Variants in PDGFRL observed in about 807,000 individuals in gnomAD.
The protein encoded by PDGFRL is platelet-derived growth factor receptor-like protein.
PDGFRL carries 46 observed loss-of-function variants against 37.2 expected under a neutral mutation model. The ratio of observed to expected loss-of-function variants is 1.24; its 90% confidence interval spans 0.98 to 1.58. PDGFRL has a LOEUF of 1.58. PDGFRL is among the 40% of genes most tolerant of loss of function. The pLI is 0.00. For synonymous variants in PDGFRL, 251 were observed against 184.3 expected (o/e 1.36, Z -2.93); for missense variants, 692 against 467.6 (o/e 1.48, Z -4.43).
chr8:17,598,820 C>T (rs2299570), intron 2 of PDGFRL, among the ~76,000 whole-genome samples: 9 of 152,094 alleles, frequency 5.9e-5, no homozygotes, highest in African/African-American at 9.7e-5. Context: ...GTAGTTAATA[C>T]GTCTCACGAG....
At chr8:17,641,089 A>T (rs1449793990) in intron 5 of PDGFRL, among the ~76,000 whole-genome samples, 1 of 152,168 alleles carries the variant, frequency 6.6e-6, no homozygotes, top group African/African-American at 2.4e-5. Flanking sequence ...CCCAGCTCCC[A>T]CGTAGCCCAA....
At chr8:17,632,112 C>G (rs1191891013) in intron 4 of PDGFRL, among the ~76,000 whole-genome samples, 1 of 152,224 alleles carries the variant, frequency 6.6e-6, no homozygotes, top group Non-Finnish European at 1.5e-5. Context: ...ATGGCACTAC[C>G]TTCACCCACG....
At position 17,642,733 on chromosome 8, in the gene PDGFRL, T is replaced by C. The variant is rs747136044; in HGVS notation, c.1060T>C (p.Tyr354His). The change falls in exon 6 of 6, where the codon TAT (tyrosine) becomes CAT (histidine). Residue 354 changes from tyrosine (Y) to histidine (H), a missense_variant. Physicochemically the swap from Tyr to His is moderately conservative, Grantham distance 83. Transcript: ENST00000251630. ...AGACTTTGAGACGATTGATGCAGGA[T>C]ATTACATTTGCACTGCTCAGAATCT... Reference protein sequence around the residue: ...VEDFETIDAGYYICTAQNLQG... With the variant: ...VEDFETIDAGHYICTAQNLQG... 1.2e-6 allele frequency: 2 copies of C among 1,607,732 alleles called. No individual in the cohort carries two copies. The highest frequency in any genetic ancestry group is 1.7e-6 in the Non-Finnish European group (2 of 1,174,218).
intron 1 of PDGFRL, among the ~76,000 whole-genome samples, chr8:17,581,725 T>G (rs1803712292): frequency 6.6e-6 from 1 of 152,134 alleles, no homozygotes; most frequent in African/African-American, 2.4e-5. Context: ...CCCTCTGCCC[T>G]GAGTGGAAGC....
chr8:17,598,659 TC>T (rs1804102895), intron 2 of PDGFRL, among the ~76,000 whole-genome samples: 2 of 152,306 alleles, frequency 1.3e-5, no homozygotes, highest in Admixed American at 6.5e-5. Flanking sequence ...CCTGGATCCA[TC>T]CCCATTGTCT....
chr8:17,621,402 C>A (rs1003124680), intron 3 of PDGFRL, among the ~76,000 whole-genome samples, 200 bp downstream of exon 3: 2 of 144,762 alleles, frequency 1.4e-5, no homozygotes, highest in African/African-American at 2.7e-5. Context: ...TAATATTATT[C>A]CTGTTTTTTT....
At chr8:17,599,911 A>G (rs2517168) in intron 2 of PDGFRL, among the ~76,000 whole-genome samples, 60,475 of 151,908 alleles carry the variant, frequency 0.4, 14,171 homozygotes, top group East Asian at 0.61. Flanking sequence ...CTACTTTCCC[A>G]GGAACTTCAA....
At position 17,642,778 on chromosome 8, in the gene PDGFRL, G is replaced by C; in HGVS notation, c.1105G>C (p.Ala369Pro). The C allele has an allele frequency of 1.2e-6, 2 of 1,607,820 alleles. No individual in the cohort carries two copies. The highest frequency in any genetic ancestry group is 3.3e-4 in the Middle Eastern group (2 of 6,036). The change falls in exon 6 of 6, where the codon GCT becomes CCT. Residue 369 changes from alanine to proline, a missense_variant. Physicochemically the swap from Ala to Pro is conservative, Grantham distance 27 (BLOSUM62 -1). Coordinates refer to ENST00000251630, the MANE Select transcript of PDGFRL (RefSeq NM_001372073.1). Reference protein sequence around the residue: ...AQNLQGQTTVATTVEFS With the variant: ...AQNLQGQTTVPTTVEFS ...GAATCTTCAAGGACAGACCACAGTA[G>C]CTACCACTGTTGAGTTTTCCTGACT... is the stretch of plus-strand genomic sequence containing the variant.
chr8:17,583,823 G>C (rs1335911719), intron 1 of PDGFRL, among the ~76,000 whole-genome samples: 1 of 152,140 alleles, frequency 6.6e-6, no homozygotes, highest in Non-Finnish European at 1.5e-5. Context: ...CTCTCCATGT[G>C]ATCTCTGCAT....
chr8:17,620,499 G>T (rs1804608379), intron 2 of PDGFRL, among the ~76,000 whole-genome samples: 1 of 152,126 alleles, frequency 6.6e-6, no homozygotes, highest in Non-Finnish European at 1.5e-5. Context: ...TTACGTTAAT[G>T]TGGTACATTT....
chr8:17,600,802 T>TAAA (rs764849189), intron 2 of PDGFRL, among the ~76,000 whole-genome samples: 3 of 128,494 alleles, frequency 2.3e-5, no homozygotes, highest in African/African-American at 9.2e-5. Context: ...ACCCCATCTC[T>TAAA]AAAAAAAAAA....
intron 1 of PDGFRL, 107 bp downstream of exon 1, chr8:17,577,414 G>A (rs1803609711): frequency 3.2e-6 from 3 of 942,418 alleles, no homozygotes; most frequent in Non-Finnish European, 3.3e-6. Context: ...TTCGGCCCTC[G>A]GTGGCTCAGC....
At chr8:17,586,214 A>C (rs984229634) in intron 1 of PDGFRL, among the ~76,000 whole-genome samples, 6 of 152,186 alleles carry the variant, frequency 3.9e-5, no homozygotes, top group African/African-American at 1.4e-4. Context: ...TTGGCCTCTC[A>C]GAGTGCTGGG....
intron 2 of PDGFRL, among the ~76,000 whole-genome samples, chr8:17,594,134 TACTG>T (rs1251444321): frequency 2.6e-5 from 4 of 152,092 alleles, no homozygotes; most frequent in Non-Finnish European, 5.9e-5. Flanking sequence ...TTTTTTTTGT[TACTG>T]ACGTATTTCC....
At chr8:17,604,857 T>C (rs1056904754) in intron 2 of PDGFRL, among the ~76,000 whole-genome samples, 3 of 152,184 alleles carry the variant, frequency 2.0e-5, no homozygotes, top group Admixed American at 1.3e-4. Flanking sequence ...CTCACGCCTG[T>C]AATTCCAGCC....
chr8:17,642,777 A>C lies in PDGFRL; in HGVS notation c.1104A>C (p.Val368=). The C allele has an allele frequency of 6.2e-7, 1 of 1,607,276 alleles. No homozygotes were observed. Among genetic ancestry groups the C allele is most frequent in the Middle Eastern group, 1.7e-4 (1 of 6,036 alleles). Residue 368 remains valine (V), a synonymous_variant, in exon 6 of 6, where the codon GTA becomes GTC. Transcript: ENST00000251630. ...AGAATCTTCAAGGACAGACCACAGTAGCTACCACTGTTGAGTTTTCCTGAC... is the reference window on the plus strand; with the variant it reads ...AGAATCTTCAAGGACAGACCACAGTCGCTACCACTGTTGAGTTTTCCTGAC... ...TAQNLQGQTT[V]ATTVEFS
At chr8:17,610,201 T>C (rs1804379324) in intron 2 of PDGFRL, among the ~76,000 whole-genome samples, 1 of 152,202 alleles carries the variant, frequency 6.6e-6, no homozygotes, top group South Asian at 2.1e-4. Flanking sequence ...TTCCCAAGTA[T>C]GTGGCTGTGA....
At chr8:17,595,207 C>T (rs1162502944) in intron 2 of PDGFRL, among the ~76,000 whole-genome samples, 3 of 152,190 alleles carry the variant, frequency 2.0e-5, no homozygotes, top group African/African-American at 2.4e-5. Context: ...GGACTCCGCC[C>T]TCCACTCACC....
intron 1 of PDGFRL, among the ~76,000 whole-genome samples, chr8:17,586,017 TCTCAGCTCACTGCAACCTC>T (rs562759418): frequency 7.4e-4 from 112 of 152,284 alleles, no homozygotes; most frequent in African/African-American, 2.6e-3. Flanking sequence ...AGTGGTGCGA[TCTCAGCTCACTGCAACCTC>T]CGTGTCCCAG....
Sources: gnomAD v4.1 joint callset for allele counts (sites outside exome capture counted in the v4.1 genomes callset) on GRCh38, gnomAD v4.1.1 for gene constraint, MANE v1.5 for transcripts, NCBI Gene and HGNC (gene_info 2026-07-23, HGNC 2026-07-21) for gene names.